OR1J2: variants seen among roughly 807,000 people sequenced by gnomAD.
OR1J2 encodes the protein olfactory receptor family 1 subfamily J member 2.
For missense variants in OR1J2, 304 were observed against 246.1 expected (o/e 1.24, Z -1.57); for synonymous variants, 142 against 99.7 (o/e 1.42, Z -2.52).
At chr9:122,568,406 G>C in the OR1J2 span, 4 of 1,613,676 alleles carry the variant, frequency 2.5e-6, no homozygotes, top group Non-Finnish European at 3.4e-6. Flanking sequence ...GTGTCTTTTG[G>C]TCCTCAGGCC....
At chr9:122,578,644 C>T in the OR1J2 span, among the ~76,000 whole-genome samples, 3 of 151,910 alleles carry the variant, frequency 2.0e-5, no homozygotes, top group African/African-American at 7.3e-5. Context: ...AAAATAATGG[C>T]ATTCACGGCA....
the OR1J2 span, among the ~76,000 whole-genome samples, chr9:122,465,521 T>C: frequency 1.3e-5 from 2 of 152,150 alleles, no homozygotes; most frequent in Admixed American, 6.5e-5. Context: ...CCAAACTAAT[T>C]TGGATCCTCA....
chr9:122,450,041 G>A, the OR1J2 span, among the ~76,000 whole-genome samples: 406 of 152,242 alleles, frequency 2.7e-3, 1 homozygote, highest in African/African-American at 9.5e-3. Context: ...ATATATTTAT[G>A]TGGTACAATG....
At chr9:122,552,749 AGTGTGTGTGTGTGTGTGTGTGTGTGTGT>A in the OR1J2 span, among the ~76,000 whole-genome samples, 1 of 129,662 alleles carries the variant, frequency 7.7e-6, no homozygotes, top group African/African-American at 3.0e-5. Flanking sequence ...AGAGGGCTTG[AGTGTGTGTGTGTGTGTGTGTGTGTGTGT>A]GTGTGTGTGT....
chr9:122,532,287 G>T, the OR1J2 span, among the ~76,000 whole-genome samples: 10 of 152,268 alleles, frequency 6.6e-5, no homozygotes, highest in African/African-American at 2.2e-4. Flanking sequence ...TTTCCACGAT[G>T]GAAAGGAAAT....
At chr9:122,516,352 G>A (rs1828699850), downstream of OR1J2, among the ~76,000 whole-genome samples, 1 of 136,120 alleles carries the variant, frequency 7.3e-6, no homozygotes, top group South Asian at 2.4e-4. Flanking sequence ...CGCCCAGGCT[G>A]GAGTGCAGTG....
chr9:122,535,330 G>A, the OR1J2 span, among the ~76,000 whole-genome samples: 16 of 152,260 alleles, frequency 1.1e-4, no homozygotes, highest in Non-Finnish European at 1.5e-4. Context: ...GCGTCCCTGC[G>A]TGGTCTGACA....
At chr9:122,463,105 G>T in the OR1J2 span, among the ~76,000 whole-genome samples, 1 of 152,074 alleles carries the variant, frequency 6.6e-6, no homozygotes, top group East Asian at 1.9e-4. Context: ...CTTCTTGGAG[G>T]CTTTGTTCAT....
chr9:122,552,878 A>G, the OR1J2 span, among the ~76,000 whole-genome samples: 1 of 151,774 alleles, frequency 6.6e-6, no homozygotes, highest in East Asian at 2.0e-4. Context: ...TAATCTTGCC[A>G]TCAAGCTATT....
chr9:122,556,580 G>A, the OR1J2 span, among the ~76,000 whole-genome samples: 46,714 of 151,830 alleles, frequency 0.31, 8,057 homozygotes, highest in East Asian at 0.81. Flanking sequence ...GGGGCTTAAA[G>A]CCTAGATGAC....
the OR1J2 span, among the ~76,000 whole-genome samples, chr9:122,534,376 G>C: frequency 8.5e-5 from 13 of 152,256 alleles, no homozygotes; most frequent in Non-Finnish European, 1.6e-4. Flanking sequence ...ACTGTAAAGC[G>C]TCTCAGTGTT....
Position 122,511,256 on chromosome 9 carries a change from C to T in OR1J2, c.455C>T (p.Ser152Phe), listed in dbSNP as rs1246260472. The T allele has an allele frequency of 1.3e-6, 1 of 755,906 alleles. No individual in the cohort carries two copies. Among genetic ancestry groups the T allele is most frequent in the East Asian group, 2.4e-5 (1 of 41,118 alleles). The allele number at this position is 755,906 out of a possible 1,614,324, so 46.8% of individuals were successfully genotyped here. The change falls in exon 1 of 1, where the codon TCT becomes TTT. Residue 152 changes from serine to phenylalanine, a missense_variant. By Grantham distance (155) the Ser-to-Phe change is radical (BLOSUM62 -2). Transcript: ENST00000335302. ...TTAGTGGCTGTATCTTGGATTCTGT[C>T]TTGTGCCAGCTCCCTCTCTCACACC... Reference protein sequence around the residue: ...VFLVAVSWILSCASSLSHTLL... With the variant: ...VFLVAVSWILFCASSLSHTLL...
At chr9:122,544,241 C>G in the OR1J2 span, among the ~76,000 whole-genome samples, 1 of 151,234 alleles carries the variant, frequency 6.6e-6, no homozygotes, top group South Asian at 2.1e-4. Context: ...ACCATCTAAC[C>G]TTGAATTTTT....
the OR1J2 span, among the ~76,000 whole-genome samples, chr9:122,540,538 G>A: frequency 6.6e-6 from 1 of 152,080 alleles, no homozygotes; most frequent in Non-Finnish European, 1.5e-5. Flanking sequence ...ATAGTTTGAA[G>A]TCAGGTAGCG....
chr9:122,460,668 T>C, the OR1J2 span, among the ~76,000 whole-genome samples: 2 of 152,172 alleles, frequency 1.3e-5, no homozygotes, highest in African/African-American at 4.8e-5. Context: ...GTTATTTTAA[T>C]GGAAATTGCA....
the OR1J2 span, among the ~76,000 whole-genome samples, chr9:122,455,399 G>C: frequency 4.6e-5 from 7 of 152,152 alleles, no homozygotes; most frequent in African/African-American, 1.7e-4. Flanking sequence ...ATGATAAGGG[G>C]TATGAAGTGA....
the OR1J2 span, among the ~76,000 whole-genome samples, chr9:122,580,346 G>C: frequency 1.3e-5 from 2 of 152,276 alleles, no homozygotes; most frequent in Non-Finnish European, 2.9e-5. Flanking sequence ...AGCCTTCGAC[G>C]TACAGGATGG....
At chr9:122,532,744 CA>C in the OR1J2 span, among the ~76,000 whole-genome samples, 2 of 152,100 alleles carry the variant, frequency 1.3e-5, no homozygotes, top group Admixed American at 6.5e-5. Context: ...ACATGATGGT[CA>C]GCCTAAAACA....
the OR1J2 span, chr9:122,519,797 C>G: frequency 1.2e-6 from 2 of 1,614,054 alleles, no homozygotes; most frequent in Non-Finnish European, 1.7e-6. Context: ...TCTCTTATGG[C>G]CACATTGGGG....
Sources: gnomAD v4.1 joint callset for allele counts (sites outside exome capture counted in the v4.1 genomes callset) on GRCh38, gnomAD v4.1.1 for gene constraint, MANE v1.5 for transcripts, NCBI Gene and HGNC (gene_info 2026-07-23, HGNC 2026-07-21) for gene names.